The following SLC23A2 variants were observed in gnomAD, a reference collection of about 807,000 sequenced individuals.
The protein encoded by SLC23A2 is Na(+)/L-ascorbic acid transporter 2.
In SLC23A2, 36 loss-of-function variants were observed where a neutral mutation model predicts 73.3. The observed-to-expected ratio is 0.49, with a 90% confidence interval of 0.38 to 0.65. The LOEUF is 0.65. SLC23A2 is among the 30% of genes least tolerant of loss of function. The probability of loss-of-function intolerance (pLI) is 0.00; values close to 1 mark genes in which losing one functional copy is unlikely to be tolerated. For missense variants in SLC23A2, 507 were observed against 841.6 expected (o/e 0.60, Z 4.92); for synonymous variants, 343 against 327.3 (o/e 1.05, Z -0.52).
At chr20:4,918,371 T>C (rs2122907863) in intron 3 of SLC23A2, among the ~76,000 whole-genome samples, 1 of 152,324 alleles carries the variant, frequency 6.6e-6, no homozygotes, top group South Asian at 2.1e-4. Flanking sequence ...CAATCAGCTA[T>C]GAAAGGAGGT....
chr20:4,927,318 G>A (rs1350675031), intron 3 of SLC23A2, among the ~76,000 whole-genome samples: 3 of 152,212 alleles, frequency 2.0e-5, no homozygotes, highest in Non-Finnish European at 4.4e-5. Context: ...ATTTGCAAAG[G>A]CCAGAATGAA....
At chr20:4,931,662 G>A (rs59971708) in intron 3 of SLC23A2, among the ~76,000 whole-genome samples, 8,411 of 152,082 alleles carry the variant, frequency 0.055, 367 homozygotes, top group South Asian at 0.11. Context: ...CCAGCTACTC[G>A]GGAGACTGAG....
chr20:4,920,959 G>A (rs1932483727), intron 3 of SLC23A2, among the ~76,000 whole-genome samples: 1 of 152,200 alleles, frequency 6.6e-6, no homozygotes, highest in Admixed American at 6.5e-5. Context: ...AGGGGCTAGG[G>A]AGAAGAATAG....
chr20:4,885,786 A>G, intron 7 of SLC23A2, 35 bp downstream of exon 7: 1 of 1,429,698 alleles, frequency 7.0e-7, no homozygotes, highest in South Asian at 1.1e-5. Flanking sequence ...GCATTAAAGG[A>G]CCCCAATGAC....
In SLC23A2 at chr20:4,899,426, C is replaced by T; in HGVS notation, c.482+129G>A. Reference sequence around the variant, plus strand: ...AACACTGAGGGGTGGGGACCAACGGCCACTAGGACATTCCCGTGCCTCCAT... The same window carrying T: ...AACACTGAGGGGTGGGGACCAACGGTCACTAGGACATTCCCGTGCCTCCAT... On this transcript the variant is annotated intron_variant, in intron 6 of 16. Coordinates refer to ENST00000338244, the MANE Select transcript of SLC23A2 (RefSeq NM_005116.6). This position sits in a 1 kb window ranked among gnomAD's most constrained non-coding sequence, Gnocchi z 4.9. 1 of 1,043,942 alleles carries T rather than the reference C, an allele frequency of 9.6e-7. No homozygotes were observed. The highest frequency in any genetic ancestry group is 1.4e-6 in the Non-Finnish European group (1 of 690,674). The allele number at this position is 1,043,942 out of a possible 1,614,324, so 64.7% of individuals were successfully genotyped here.
At chr20:4,905,294 G>A (rs562326178) in intron 4 of SLC23A2, among the ~76,000 whole-genome samples, 1 of 152,042 alleles carries the variant, frequency 6.6e-6, no homozygotes, top group African/African-American at 2.4e-5. Flanking sequence ...GATACAGGAG[G>A]GGGCTGTGTG....
intron 9 of SLC23A2, among the ~76,000 whole-genome samples, chr20:4,876,577 C>T (rs1449493336): frequency 6.6e-6 from 1 of 152,212 alleles, no homozygotes; most frequent in Non-Finnish European, 1.5e-5. Flanking sequence ...GTTCTAGCCC[C>T]AGCTCTCAGG....
At chr20:4,946,440 G>A (rs914518693) in intron 2 of SLC23A2, among the ~76,000 whole-genome samples, 15 of 152,228 alleles carry the variant, frequency 9.9e-5, no homozygotes, top group Middle Eastern at 3.2e-3. Context: ...ATAAACGTGG[G>A]AAATTTTCCT....
At chr20:5,005,750 G>A (rs1369124911), upstream of SLC23A2, among the ~76,000 whole-genome samples, 1 of 152,156 alleles carries the variant, frequency 6.6e-6, no homozygotes, top group African/African-American at 2.4e-5. Flanking sequence ...CACTTTGGGA[G>A]GCCGAGATGG....
At chr20:4,935,915 A>G (rs950847381) in intron 2 of SLC23A2, among the ~76,000 whole-genome samples, 5 of 152,210 alleles carry the variant, frequency 3.3e-5, no homozygotes, top group Non-Finnish European at 5.9e-5. Context: ...TGAGTTTTTC[A>G]TGTCTGCTGG....
upstream of SLC23A2, among the ~76,000 whole-genome samples, chr20:5,006,136 C>A (rs1020115484): frequency 3.9e-5 from 6 of 152,094 alleles, no homozygotes; most frequent in Admixed American, 3.9e-4. Context: ...CTCACTCTGT[C>A]GCCCAGGCTG....
chr20:4,956,607 G>A (rs147192256), intron 2 of SLC23A2, among the ~76,000 whole-genome samples: 1 of 152,134 alleles, frequency 6.6e-6, no homozygotes. Context: ...AGGCAACCAG[G>A]TATCTCTGTG....
At chr20:4,882,550 A>G (rs1483994321) in intron 9 of SLC23A2, among the ~76,000 whole-genome samples, 1 of 152,116 alleles carries the variant, frequency 6.6e-6, no homozygotes, top group Non-Finnish European at 1.5e-5. Flanking sequence ...TTTGTACGTC[A>G]TGTTCTAATA....
At position 4,868,194 on chromosome 20, in the gene SLC23A2, C is replaced by T. The variant is rs1930285112; in HGVS notation, c.1251-319G>A. Among the ~76,000 whole-genome samples the T allele has an allele frequency of 6.6e-6, 1 of 151,558 alleles. No individual in the cohort carries two copies. The highest frequency in any genetic ancestry group is 6.6e-5 in the Admixed American group (1 of 15,202). ...TCCTGGGTTCAAGAGATTCTCCTGC[C>T]TCCCGAGTAGCTGGGATTACAGGTT... On this transcript the variant is annotated intron_variant, in intron 12 of 16. Coordinates refer to ENST00000338244, the MANE Select transcript of SLC23A2 (RefSeq NM_005116.6). This position sits in a 1 kb window ranked among gnomAD's most constrained non-coding sequence, Gnocchi z 4.4.
At chr20:4,888,849 G>A (rs62200383) in intron 6 of SLC23A2, among the ~76,000 whole-genome samples, 1 of 152,212 alleles carries the variant, frequency 6.6e-6, no homozygotes, top group Non-Finnish European at 1.5e-5. Context: ...GCTGCTTCAG[G>A]ATTCTCTGGG....
At chr20:4,940,977 GA>G (rs1302716632) in intron 2 of SLC23A2, among the ~76,000 whole-genome samples, 1 of 151,948 alleles carries the variant, frequency 6.6e-6, no homozygotes, top group East Asian at 1.9e-4. Context: ...CCAACATGGT[GA>G]AAACCCGTCT....
At chr20:4,992,503 G>GT (rs140932210) in intron 1 of SLC23A2, among the ~76,000 whole-genome samples, 9 of 95,720 alleles carry the variant, frequency 9.4e-5, no homozygotes, top group Admixed American at 2.3e-4. Flanking sequence ...AAGATTGACA[G>GT]TTTTTTTTTT....
intron 4 of SLC23A2, among the ~76,000 whole-genome samples, chr20:4,908,932 A>T (rs1932051301): frequency 6.6e-6 from 1 of 152,362 alleles, no homozygotes; most frequent in Admixed American, 6.5e-5. Flanking sequence ...AGACTATCTC[A>T]AAAAACATTG....
At chr20:4,905,196 G>GCA (rs1310615005) in intron 4 of SLC23A2, among the ~76,000 whole-genome samples, 1 of 150,746 alleles carries the variant, frequency 6.6e-6, no homozygotes, top group African/African-American at 2.4e-5. Context: ...GTATGCACAT[G>GCA]CACACACACA....
Sources: allele counts gnomAD v4.1 joint callset (sites outside exome capture counted in the v4.1 genomes callset), GRCh38; gene constraint gnomAD v4.1.1; non-coding constraint Gnocchi (gnomAD v3.1); transcripts MANE v1.5; gene names NCBI Gene and HGNC (gene_info 2026-07-23, HGNC 2026-07-21).